Variants in ESR1 observed in about 807,000 individuals in gnomAD.
ESR1 encodes estrogen receptor 1.
Under a neutral mutation model 52.7 loss-of-function variants are expected in ESR1, and 12 were observed. The ratio of observed to expected loss-of-function variants is 0.23; its 90% CI spans 0.15 to 0.37. The LOEUF is 0.37. Among genes scored for constraint, ESR1 ranks in the 10% least tolerant of loss-of-function variants. The probability of loss-of-function intolerance (pLI) is 1.00; values close to 1 mark genes in which losing one functional copy is unlikely to be tolerated. For synonymous variants in ESR1, 305 were observed against 316.8 expected, an observed-to-expected ratio of 0.96 and a Z score of 0.39; for missense variants, 584 against 779.7, an observed-to-expected ratio of 0.75 and a Z score of 2.99.
intron 4 of ESR1, among the ~76,000 whole-genome samples, chr6:151,963,398 G>C (rs1040832145): frequency 6.6e-6 from 1 of 152,142 alleles, no homozygotes; most frequent in African/African-American, 2.4e-5. Flanking sequence ...GTAGCTGCTT[G>C]TTTTCAGTCC....
At chr6:151,800,521 G>A (rs1316326779), upstream of ESR1, among the ~76,000 whole-genome samples, 1 of 152,090 alleles carries the variant, frequency 6.6e-6, no homozygotes, top group Admixed American at 6.5e-5. Flanking sequence ...GTTAAATGAT[G>A]TTTTAAGGCT....
At chr6:151,745,877 A>T (rs368644480) in intron 2 of ESR1, among the ~76,000 whole-genome samples, 7 of 152,178 alleles carry the variant, frequency 4.6e-5, no homozygotes, top group Admixed American at 3.3e-4. Context: ...CCATTTACCA[A>T]CAACTCCTTC....
intron 3 of ESR1, among the ~76,000 whole-genome samples, chr6:151,931,618 A>G (rs1206498953): frequency 7.1e-5 from 8 of 112,792 alleles, no homozygotes; most frequent in African/African-American, 2.8e-4. Flanking sequence ...CCACCCCACA[A>G]CACTCCCCAG....
chr6:151,664,664 A>G lies in ESR1; in HGVS notation n.73+7901A>G, dbSNP rs115505312. On this transcript the variant is annotated intron_variant and non_coding_transcript_variant, in intron 1 of 2. Coordinates refer to the ESR1 transcript ENST00000473497. ...GTTAACAGTGTTTTTCTCAGCCCAG[A>G]GTGCACTGTTTTCTTAAAGTTTTGA... Among the ~76,000 whole-genome samples, 332 of 152,314 alleles carry G rather than the reference A, an allele frequency of 2.2e-3. 1 individual carries two copies. The highest frequency in any genetic ancestry group is 7.7e-3 in the African/African-American group (321 of 41,572).
At chr6:151,778,407 CTTTT>C (rs34516184) in intron 2 of ESR1, among the ~76,000 whole-genome samples, 1 of 142,642 alleles carries the variant, frequency 7.0e-6, no homozygotes, top group Admixed American at 7.1e-5. Context: ...ATATTTACAA[CTTTT>C]TTTTTTTTTT....
rs1776619520 is a variant in ESR1, at chr6:151,795,565, G to T, written c.-70-12278G>T. ...TAGTAAAAAAGTGTCAGTTAAAACT[G>T]CATGGAGAGATACTATTTTGAAAAG... On this transcript the variant is annotated intron_variant, in intron 2 of 2. Transcript: ENST00000404742. Among the ~76,000 whole-genome samples, 6 of 151,446 alleles carry T rather than the reference G, an allele frequency of 4.0e-5. No homozygotes were observed. The South Asian group carries it at 1.3e-3, about 32-fold the overall frequency.
At chr6:152,050,115 A>G (rs531189187) in intron 5 of ESR1, among the ~76,000 whole-genome samples, 1 of 152,370 alleles carries the variant, frequency 6.6e-6, no homozygotes, top group African/African-American at 2.4e-5. Context: ...ATAGCAACAA[A>G]GTGAAATATG....
At chr6:151,974,498 A>G (rs1268725764) in intron 4 of ESR1, among the ~76,000 whole-genome samples, 1 of 152,184 alleles carries the variant, frequency 6.6e-6, no homozygotes, top group African/African-American at 2.4e-5. Flanking sequence ...CCTGAGAGGA[A>G]AGAGCCTAGG....
In ESR1 at chr6:151,901,136, G is replaced by A. The variant is rs554829016; in HGVS notation, c.760+20365G>A. ...TTGCTGAGGCTGTGCTGTGGGGCAGGGGGGTGAGGTTCCCAGGTCAATGGA... is the reference window on the plus strand; with the variant it reads ...TTGCTGAGGCTGTGCTGTGGGGCAGAGGGGTGAGGTTCCCAGGTCAATGGA... On this transcript the variant is annotated intron_variant, in intron 3 of 7. Transcript: ENST00000206249. 3.9e-5 allele frequency among the ~76,000 whole-genome samples: 6 copies of A among 152,236 alleles called. No homozygotes were observed. In the South Asian group the frequency reaches 1.2e-3, roughly 32 times the overall value.
intron 5 of ESR1, 77 bp from the exon 6 acceptor site, chr6:152,060,914 C>T (rs1473056687): frequency 8.4e-7 from 1 of 1,187,238 alleles, no homozygotes; most frequent in Non-Finnish European, 1.2e-6. Context: ...TGAATGTGAA[C>T]CCTTTCATGT....
chr6:151,953,304 A>G (rs1170630393), intron 4 of ESR1, among the ~76,000 whole-genome samples: 1 of 152,166 alleles, frequency 6.6e-6, no homozygotes, highest in Admixed American at 6.5e-5. Flanking sequence ...CTGCCTTACA[A>G]TGGAGGTTAC....
intron 3 of ESR1, among the ~76,000 whole-genome samples, chr6:151,898,716 G>GTA (rs1325994920): frequency 6.6e-6 from 1 of 152,116 alleles, no homozygotes; most frequent in East Asian, 1.9e-4. Flanking sequence ...AGGGTTGGGG[G>GTA]TAAGGTCACA....
chr6:152,112,953 C>G (rs546864446), intron 6 of ESR1: 50 of 152,400 alleles, frequency 3.3e-4, no homozygotes, highest in African/African-American at 1.2e-3. Context: ...ATGGATGTCA[C>G]GAACGTGTTT....
chr6:152,029,454 A>G (rs1486881511), intron 5 of ESR1, among the ~76,000 whole-genome samples: 1 of 152,236 alleles, frequency 6.6e-6, no homozygotes, highest in African/African-American at 2.4e-5. Context: ...AAAGGACCTG[A>G]TGGAGCTGAC....
intron 2 of ESR1, among the ~76,000 whole-genome samples, chr6:151,727,208 CTT>C (rs1335196022): frequency 6.9e-6 from 1 of 145,530 alleles, no homozygotes; most frequent in African/African-American, 2.5e-5. Flanking sequence ...ATTTTCTTTT[CTT>C]TTTTTTTTTG....
At chr6:152,069,704 G>C (rs577680888) in intron 6 of ESR1, among the ~76,000 whole-genome samples, 2 of 136,638 alleles carry the variant, frequency 1.5e-5, no homozygotes, top group Non-Finnish European at 3.0e-5. Context: ...TCACAGTAGG[G>C]TTCACAGCCC....
intron 3 of ESR1, among the ~76,000 whole-genome samples, chr6:151,908,969 G>A (rs1432791293): frequency 6.6e-6 from 1 of 151,512 alleles, no homozygotes; most frequent in African/African-American, 2.4e-5. Flanking sequence ...TTACTCTGAT[G>A]GCTTGCTCCA....
intron 5 of ESR1, among the ~76,000 whole-genome samples, chr6:152,020,450 T>G (rs756541276): frequency 2.5e-4 from 38 of 152,114 alleles, no homozygotes; most frequent in Admixed American, 5.2e-4. Context: ...TTTTCCTTTT[T>G]TTTGTTTGTT....
chr6:151,871,752 C>T (rs569118038), intron 2 of ESR1, among the ~76,000 whole-genome samples: 1 of 152,312 alleles, frequency 6.6e-6, no homozygotes, highest in East Asian at 1.9e-4. Context: ...TTCCCCACAT[C>T]TCCTGCTGAC....
Sources: gnomAD v4.1 joint callset for allele counts (sites outside exome capture counted in the v4.1 genomes callset) on GRCh38, gnomAD v4.1.1 for gene constraint, MANE v1.5 for transcripts, NCBI Gene and HGNC (gene_info 2026-07-23, HGNC 2026-07-21) for gene names.